The following CRYBG1 variants were observed in gnomAD, a reference collection of about 807,000 sequenced individuals.
CRYBG1 encodes crystallin beta-gamma domain containing 1.
CRYBG1 carries 139 observed loss-of-function variants against 189.2 expected under a neutral mutation model. The observed-to-expected ratio is 0.73, with a 90% confidence interval of 0.64 to 0.85. CRYBG1 has a LOEUF of 0.85. CRYBG1 is among the 40% of genes least tolerant of loss of function. CRYBG1 has a pLI of 0.00. For synonymous variants in CRYBG1, 1,023 were observed against 1,017.1 expected, an observed-to-expected ratio of 1.01 and a Z score of -0.11; for missense variants, 2,611 against 2,675.8, an observed-to-expected ratio of 0.98 and a Z score of 0.53.
intron 1 of CRYBG1, among the ~76,000 whole-genome samples, chr6:106,365,481 G>T (rs75311326): frequency 0.12 from 18,468 of 150,156 alleles, 1,539 homozygotes; most frequent in East Asian, 0.24. Flanking sequence ...TAGAGACAGG[G>T]TCTCACTATG....
At chr6:106,451,154 C>T (rs1337018986) in intron 1 of CRYBG1, among the ~76,000 whole-genome samples, 1 of 152,174 alleles carries the variant, frequency 6.6e-6, no homozygotes, top group Admixed American at 6.5e-5. Context: ...GGGTAGGCAA[C>T]CATCAGAGTC....
At chr6:106,540,928 T>C (rs1336838133) in intron 9 of CRYBG1, among the ~76,000 whole-genome samples, 1 of 152,196 alleles carries the variant, frequency 6.6e-6, no homozygotes, top group Non-Finnish European at 1.5e-5. Flanking sequence ...TTTAGTGAGT[T>C]TTTTTGTTTT....
At chr6:106,494,519 G>A (rs9486370) in intron 2 of CRYBG1, among the ~76,000 whole-genome samples, 7 of 151,928 alleles carry the variant, frequency 4.6e-5, no homozygotes, top group Non-Finnish European at 7.4e-5. Context: ...ATGAAAGAAA[G>A]AGGAGAACAT....
intron 2 of CRYBG1, among the ~76,000 whole-genome samples, chr6:106,506,259 A>G (rs1174914074): frequency 6.6e-6 from 1 of 152,154 alleles, no homozygotes; most frequent in African/African-American, 2.4e-5. Context: ...AGCAGCAAAT[A>G]CTTTATGTCC....
intron 1 of CRYBG1, 156 bp from the exon 2 acceptor site, chr6:106,451,538 C>A: frequency 1.4e-6 from 1 of 707,140 alleles, no homozygotes; most frequent in Non-Finnish European, 2.1e-6. Flanking sequence ...ATGAGAGCGC[C>A]AAATTATCTA....
intron 2 of CRYBG1, among the ~76,000 whole-genome samples, chr6:106,455,915 A>G (rs1004958885): frequency 6.6e-6 from 1 of 152,130 alleles, no homozygotes; most frequent in Non-Finnish European, 1.5e-5. Flanking sequence ...CTTCCCCCTC[A>G]AAACAAAAGT....
At chr6:106,469,072 A>G (rs1251610026) in intron 2 of CRYBG1, among the ~76,000 whole-genome samples, 1 of 152,094 alleles carries the variant, frequency 6.6e-6, no homozygotes, top group African/African-American at 2.4e-5. Context: ...GCCCCTGCCC[A>G]ACTCACTGGC....
rs777297975 is a variant in CRYBG1, at chr6:106,512,606, C to A, written c.1489C>A (p.Arg497=). 3.1e-6 allele frequency: 5 copies of A among 1,601,810 alleles called. No homozygotes were observed. Among genetic ancestry groups the A allele is most frequent in the Admixed American group, 3.4e-5 (2 of 58,360 alleles). The change falls in exon 3 of 22, where the codon CGA becomes AGA. Residue 497 remains arginine (R), a synonymous_variant. Transcript: ENST00000633556. ...CAGCCCCGGTACCAAAGGGCAGCTC[C>A]GAGGGGAGTCGGACCGGAGCAAACA... ...KPSPGTKGQL[R]GESDRSKQPP... is the part of the protein sequence containing the mutation.
chr6:106,370,244 G>A (rs1769991176), intron 1 of CRYBG1, among the ~76,000 whole-genome samples: 1 of 148,674 alleles, frequency 6.7e-6, no homozygotes, highest in Admixed American at 6.7e-5. Context: ...TGAGTTTGGG[G>A]CTTCTGCCCA....
intron 16 of CRYBG1, among the ~76,000 whole-genome samples, chr6:106,553,965 G>A (rs919518302): frequency 6.6e-6 from 1 of 152,174 alleles, no homozygotes; most frequent in Non-Finnish European, 1.5e-5. Context: ...GAATCAGGGA[G>A]CATACCAGTC....
chr6:106,513,949 C>T (rs66465674), intron 3 of CRYBG1, among the ~76,000 whole-genome samples: 5,718 of 152,184 alleles, frequency 0.038, 131 homozygotes, highest in Non-Finnish European at 0.05. Context: ...GGAAAAAAAC[C>T]CTACAACTGT....
chr6:106,420,068 T>C (rs1562301703), intron 1 of CRYBG1, among the ~76,000 whole-genome samples: 1 of 152,220 alleles, frequency 6.6e-6, no homozygotes, highest in Non-Finnish European at 1.5e-5. Context: ...TGGCTCTGAC[T>C]GTGCAATGCA....
intron 1 of CRYBG1, among the ~76,000 whole-genome samples, chr6:106,379,016 A>G (rs1770233588): frequency 6.6e-6 from 1 of 151,872 alleles, no homozygotes; most frequent in Non-Finnish European, 1.5e-5. Flanking sequence ...GCTTGGTGGC[A>G]GGCGCCTGTA....
At chr6:106,465,042 A>G (rs1772083843) in intron 2 of CRYBG1, among the ~76,000 whole-genome samples, 1 of 151,934 alleles carries the variant, frequency 6.6e-6, no homozygotes, top group African/African-American at 2.4e-5. Flanking sequence ...CATCTTTAAA[A>G]CTCTGATTAA....
rs113793325 is a variant in CRYBG1, at chr6:106,543,493, A to G, written c.4935A>G (p.Thr1645=). The G allele has an allele frequency of 2.4e-5, 39 of 1,613,992 alleles. 1 individual carries two copies. Among genetic ancestry groups the G allele is most frequent in the Middle Eastern group, 3.3e-4 (2 of 6,082 alleles). ...AAGGAAAATGTGTGGAACTAGAAAC[A>G]GGAATGTGTAGTTTTGTCATGGAGG... ...FFEGKCVELE[T]GMCSFVMEGG... The change falls in exon 11 of 22, where the codon ACA becomes ACG. Residue 1645 remains threonine, a synonymous_variant. Coordinates refer to ENST00000633556, the MANE Select transcript of CRYBG1 (RefSeq NM_001371242.2).
intron 2 of CRYBG1, among the ~76,000 whole-genome samples, chr6:106,488,352 GA>G: frequency 6.6e-6 from 1 of 152,186 alleles, no homozygotes; most frequent in Non-Finnish European, 1.5e-5. Context: ...TCAGGCCAGG[GA>G]AGACATAAAT....
At chr6:106,433,773 GTATA>G (rs1318647942) in intron 1 of CRYBG1, among the ~76,000 whole-genome samples, 2 of 36,460 alleles carry the variant, frequency 5.5e-5, no homozygotes, top group African/African-American at 2.3e-4. Context: ...ATATATATAT[GTATA>G]TATATATAAA....
chr6:106,509,716 G>A (rs1324197801), intron 2 of CRYBG1, among the ~76,000 whole-genome samples: 1 of 152,058 alleles, frequency 6.6e-6, no homozygotes, highest in African/African-American at 2.4e-5. Flanking sequence ...GAACCTCCGC[G>A]GCCTCTGAAA....
At chr6:106,398,402 C>T (rs1770653247) in intron 1 of CRYBG1, among the ~76,000 whole-genome samples, 1 of 152,048 alleles carries the variant, frequency 6.6e-6, no homozygotes, top group African/African-American at 2.4e-5. Flanking sequence ...TGAGATCGTG[C>T]TACTGTACTC....
Sources: allele counts gnomAD v4.1 joint callset (sites outside exome capture counted in the v4.1 genomes callset), GRCh38; gene constraint gnomAD v4.1.1; transcripts MANE v1.5; gene names NCBI Gene and HGNC (gene_info 2026-07-23, HGNC 2026-07-21).